PARD3: variants seen among roughly 807,000 people sequenced by gnomAD.
PARD3 encodes par-3 family cell polarity regulator.
PARD3 carries 75 observed loss-of-function variants against 155.4 expected under a neutral mutation model. The observed-to-expected ratio is 0.48, with a 90% CI of 0.40 to 0.58. The LOEUF is 0.58. PARD3 is among the 20% of genes least tolerant of loss of function. PARD3 has a pLI of 0.00. For synonymous variants in PARD3, 576 were observed against 610.5 expected (o/e 0.94, Z 0.83); for missense variants, 1,642 against 1,721.7 (o/e 0.95, Z 0.82).
intron 19 of PARD3, 148 bp downstream of exon 19, chr10:34,330,969 G>C (rs149047333): frequency 3.1e-6 from 2 of 639,350 alleles, no homozygotes; most frequent in East Asian, 5.5e-5. Flanking sequence ...AAATAATATC[G>C]TCTTATTATG....
At chr10:34,615,321 C>T (rs945245079) in intron 2 of PARD3, among the ~76,000 whole-genome samples, 9 of 152,214 alleles carry the variant, frequency 5.9e-5, no homozygotes, top group Non-Finnish European at 1.3e-4. Flanking sequence ...AATCCACATA[C>T]ATGTAGCCAA....
intron 22 of PARD3, among the ~76,000 whole-genome samples, chr10:34,214,791 G>A (rs1951922197): frequency 1.3e-5 from 2 of 152,108 alleles, no homozygotes; most frequent in African/African-American, 4.8e-5. Flanking sequence ...GTGACATTTT[G>A]AAGATAATTA....
At chr10:34,473,836 G>A (rs2078521197) in intron 3 of PARD3, among the ~76,000 whole-genome samples, 2 of 152,186 alleles carry the variant, frequency 1.3e-5, no homozygotes, top group Admixed American at 6.6e-5. Flanking sequence ...TTAAAAGTGA[G>A]TATAAATATG....
At chr10:34,605,181 T>A (rs868415219) in intron 2 of PARD3, among the ~76,000 whole-genome samples, 662 of 3,414 alleles carry the variant, frequency 0.19, 12 homozygotes, top group African/African-American at 0.25. Context: ...CAAAATGAAA[T>A]TTTTTTTTTT....
At chr10:34,736,648 TAA>T (rs1491371206) in intron 1 of PARD3, among the ~76,000 whole-genome samples, 18 of 117,088 alleles carry the variant, frequency 1.5e-4, no homozygotes, top group Admixed American at 5.2e-4. Flanking sequence ...CTTTATTAAT[TAA>T]TTAATTTATT....
At chr10:34,137,919 C>T (rs1278809806) in intron 22 of PARD3, among the ~76,000 whole-genome samples, 2 of 152,212 alleles carry the variant, frequency 1.3e-5, no homozygotes, top group African/African-American at 2.4e-5. Flanking sequence ...GACCTCCCTC[C>T]TCAGACCGCC....
chr10:34,723,480 G>C (rs1211098627), intron 1 of PARD3, among the ~76,000 whole-genome samples: 2 of 152,150 alleles, frequency 1.3e-5, no homozygotes, highest in African/African-American at 4.8e-5. Flanking sequence ...AAGAAGCATA[G>C]TGCCTTTGAC....
intron 2 of PARD3, among the ~76,000 whole-genome samples, chr10:34,562,862 C>T (rs1291322339): frequency 6.6e-6 from 1 of 151,978 alleles, no homozygotes; most frequent in Non-Finnish European, 1.5e-5. Flanking sequence ...GCCTCAAACT[C>T]GTGGCCTCAA....
At chr10:34,251,022 C>A (rs1032789285) in intron 22 of PARD3, among the ~76,000 whole-genome samples, 16 of 152,198 alleles carry the variant, frequency 1.1e-4, no homozygotes, top group African/African-American at 3.6e-4. Context: ...TCACCTTAGT[C>A]TCCTGTTATG....
chr10:34,641,891 G>A (rs2092690024), intron 2 of PARD3, among the ~76,000 whole-genome samples: 1 of 152,170 alleles, frequency 6.6e-6, no homozygotes, highest in Non-Finnish European at 1.5e-5. Context: ...GGGCACAAGG[G>A]TGGAGGTGGC....
chr10:34,794,606 C>A (rs1158086758), intron 1 of PARD3, among the ~76,000 whole-genome samples: 1 of 152,108 alleles, frequency 6.6e-6, no homozygotes, highest in Non-Finnish European at 1.5e-5. Flanking sequence ...ACAGTATATT[C>A]CCATAAAGAA....
intron 20 of PARD3, among the ~76,000 whole-genome samples, chr10:34,303,869 G>T (rs1290052910): frequency 6.6e-6 from 1 of 152,108 alleles, no homozygotes; most frequent in African/African-American, 2.4e-5. Context: ...TGCAAAAACT[G>T]CTAACACAGT....
At chr10:34,769,807 A>AC (rs909598628) in intron 1 of PARD3, among the ~76,000 whole-genome samples, 2 of 150,684 alleles carry the variant, frequency 1.3e-5, no homozygotes, top group East Asian at 1.9e-4. Context: ...AACAAAACAA[A>AC]AAAAAAAACA....
intron 21 of PARD3, among the ~76,000 whole-genome samples, chr10:34,279,805 A>C (rs1292972633): frequency 6.6e-6 from 1 of 152,204 alleles, no homozygotes; most frequent in Admixed American, 6.5e-5. Flanking sequence ...GGTATTGAAA[A>C]CACAAGGCTT....
intron 2 of PARD3, among the ~76,000 whole-genome samples, chr10:34,613,897 AT>A (rs2091078168): frequency 6.6e-6 from 1 of 152,178 alleles, no homozygotes. Context: ...CAAGCTACGA[AT>A]TTATCATCTA....
intron 22 of PARD3, among the ~76,000 whole-genome samples, chr10:34,216,798 G>A (rs577906592): frequency 6.6e-6 from 1 of 152,292 alleles, no homozygotes; most frequent in South Asian, 2.1e-4. Context: ...TCCCTCACAT[G>A]TGAAAACTAT....
At chr10:34,559,851 C>A (rs1310294246) in intron 2 of PARD3, among the ~76,000 whole-genome samples, 4 of 152,122 alleles carry the variant, frequency 2.6e-5, no homozygotes, top group African/African-American at 9.7e-5. Context: ...TGTTACCACT[C>A]ATCAAAATGG....
chr10:34,696,569 C>A, intron 1 of PARD3, 150 bp from the exon 2 acceptor site: 1 of 623,508 alleles, frequency 1.6e-6, no homozygotes, highest in South Asian at 1.9e-5. Context: ...AGACAGCACC[C>A]TAAGTTTGGT....
chr10:34,650,568 GATTACAGA>G (rs1308459722), intron 2 of PARD3, among the ~76,000 whole-genome samples: 1 of 152,156 alleles, frequency 6.6e-6, no homozygotes, highest in Non-Finnish European at 1.5e-5. Flanking sequence ...TTGCTTCAAT[GATTACAGA>G]AAGCCAGACA....
Sources: allele counts gnomAD v4.1 joint callset (sites outside exome capture counted in the v4.1 genomes callset), GRCh38; gene constraint gnomAD v4.1.1; transcripts MANE v1.5; gene names NCBI Gene and HGNC (gene_info 2026-07-23, HGNC 2026-07-21).